The following THSD4 variants were observed in gnomAD, a reference collection of about 807,000 sequenced individuals.
THSD4 encodes thrombospondin type 1 domain containing 4.
A neutral mutation model predicts 119.0 loss-of-function variants in THSD4; 69 were observed. That is an observed-to-expected ratio of 0.58 (90% confidence interval 0.48 to 0.71). The LOEUF (loss-of-function observed/expected upper bound fraction) is 0.71, where lower values mean the gene tolerates loss of function less well. Ranked by LOEUF, THSD4 falls within the 30% of genes least tolerant of loss-of-function variation. The pLI, the probability that THSD4 is intolerant of heterozygous loss-of-function variation, is 0.00. For missense variants in THSD4, 1,393 were observed against 1,391.1 expected, an observed-to-expected ratio of 1.00 and a Z score of -0.02; for synonymous variants, 524 against 540.4, an observed-to-expected ratio of 0.97 and a Z score of 0.42.
rs1596219858 is a variant in THSD4 at position 71,140,503 on chromosome 15, C to G, written c.-79-946C>G. On this transcript the variant is annotated intron_variant, in intron 1 of 17. Transcript: ENST00000261862. ...CATGACCAGACACCTCCAATGGACCCCACCTCCAATACTGGGAATCAGTTT... is the reference window on the plus strand; with the variant it reads ...CATGACCAGACACCTCCAATGGACCGCACCTCCAATACTGGGAATCAGTTT... 2.0e-5 allele frequency among the ~76,000 whole-genome samples: 3 copies of G among 152,256 alleles called. No homozygotes were observed. In the East Asian group the frequency reaches 5.8e-4, roughly 29 times the overall value.
At chr15:71,493,527 G>A (rs928906798) in intron 7 of THSD4, among the ~76,000 whole-genome samples, 17 of 152,260 alleles carry the variant, frequency 1.1e-4, no homozygotes, top group Admixed American at 8.5e-4. Flanking sequence ...GCTCCGGGAA[G>A]CTTAATGTGT....
chr15:71,607,768 G>A (rs895777911), intron 7 of THSD4, among the ~76,000 whole-genome samples: 5 of 152,180 alleles, frequency 3.3e-5, no homozygotes, highest in African/African-American at 1.2e-4. Context: ...TAGGAGTTCA[G>A]AATTAAGGAA....
chr15:71,190,757 C>CA (rs1455506240), intron 3 of THSD4, among the ~76,000 whole-genome samples: 3 of 152,076 alleles, frequency 2.0e-5, no homozygotes, highest in Non-Finnish European at 2.9e-5. Context: ...GAGCAGTTCC[C>CA]AAAAAATTCG....
intron 8 of THSD4, among the ~76,000 whole-genome samples, chr15:71,661,476 G>A (rs1422887393): frequency 6.6e-6 from 1 of 151,206 alleles, no homozygotes; most frequent in Middle Eastern, 3.2e-3. Context: ...GCTCACTGCA[G>A]CCTCCGCCTC....
intron 3 of THSD4, among the ~76,000 whole-genome samples, chr15:71,205,930 A>G (rs1329126961): frequency 6.6e-6 from 1 of 150,720 alleles, no homozygotes; most frequent in African/African-American, 2.4e-5. Context: ...CTGGAGGACA[A>G]TGGCACAATC....
chr15:71,443,416 T>G lies in THSD4; in HGVS notation c.1152+31593T>G, dbSNP rs966565640. Among the ~76,000 whole-genome samples the G allele has an allele frequency of 1.2e-4, 13 of 109,860 alleles. 1 individual carries two copies. In the South Asian group the frequency reaches 4.3e-3, roughly 36 times the overall value. 72.1% of individuals were successfully genotyped at this position (109,860 alleles called of 152,430 possible). On this transcript the variant is annotated intron_variant, in intron 7 of 17. Transcript: ENST00000261862. The stretch of plus-strand genomic sequence containing the variant: ...TATCGACTGATGTCCAACCTGTAAT[T>G]AAAAGAAAAACAGATCCCTCTCTCT...
chr15:71,333,922 A>G (rs2045459711), intron 6 of THSD4, among the ~76,000 whole-genome samples: 1 of 152,176 alleles, frequency 6.6e-6, no homozygotes. Context: ...TCTGGTCTTT[A>G]TCCTCAAATA....
At position 71,682,445 on chromosome 15, in the gene THSD4, G is replaced by C. The variant is rs2051801879; in HGVS notation, c.1357+21711G>C. Among the ~76,000 whole-genome samples the C allele has an allele frequency of 2.0e-5, 3 of 152,222 alleles. 1 individual carries two copies. The South Asian group carries it at 6.2e-4, about 32-fold the overall frequency. ...AAGCCCCTTCCAGTGTCCCCTCTCT[G>C]TCACTAACCTCCCCACCGCAGAAAG... On this transcript the variant is annotated intron_variant, in intron 8 of 17. Transcript: ENST00000261862.
intron 6 of THSD4, among the ~76,000 whole-genome samples, chr15:71,266,026 C>T (rs930098622): frequency 2.0e-5 from 3 of 152,172 alleles, no homozygotes; most frequent in Admixed American, 6.5e-5. Flanking sequence ...CGGATGTGAG[C>T]GCAGCTTCAG....
chr15:71,304,662 T>TG (rs2044998973), intron 6 of THSD4, among the ~76,000 whole-genome samples: 1 of 152,176 alleles, frequency 6.6e-6, no homozygotes, highest in Non-Finnish European at 1.5e-5. Flanking sequence ...CAGGTGCTGC[T>TG]GGTTTTGAAG....
At chr15:71,609,966 G>A (rs1280509265) in intron 7 of THSD4, among the ~76,000 whole-genome samples, 5 of 152,136 alleles carry the variant, frequency 3.3e-5, no homozygotes, top group African/African-American at 7.2e-5. Flanking sequence ...GGCATGCTTG[G>A]GGCCCAGTAA....
intron 4 of THSD4, among the ~76,000 whole-genome samples, chr15:71,218,457 G>C (rs937377178): frequency 1.3e-5 from 2 of 152,174 alleles, no homozygotes; most frequent in Non-Finnish European, 2.9e-5. Flanking sequence ...TGTGCTGCAG[G>C]CATTGTGCCT....
chr15:71,544,110 A>G (rs1373613670), intron 7 of THSD4, among the ~76,000 whole-genome samples: 1 of 152,168 alleles, frequency 6.6e-6, no homozygotes, highest in East Asian at 1.9e-4. Context: ...ACAAGGGCAG[A>G]TAGAGAGGAG....
intron 7 of THSD4, among the ~76,000 whole-genome samples, chr15:71,442,568 C>CAAAAAAAA (rs71154770): frequency 0.016 from 519 of 33,426 alleles, 41 homozygotes; most frequent in Non-Finnish European, 0.024. Flanking sequence ...AACTCCATCT[C>CAAAAAAAA]AAAAAAAAAA....
chr15:71,520,731 C>T (rs942906967), intron 7 of THSD4, among the ~76,000 whole-genome samples: 1 of 150,918 alleles, frequency 6.6e-6, no homozygotes, highest in Non-Finnish European at 1.5e-5. Context: ...ATTCTTGCTC[C>T]CCTTTTTCTG....
chr15:71,704,857 C>T (rs1289762157), intron 8 of THSD4, among the ~76,000 whole-genome samples: 3 of 152,172 alleles, frequency 2.0e-5, no homozygotes, highest in African/African-American at 7.2e-5. Context: ...CGTGCAGACA[C>T]GGCAAGCCTT....
chr15:71,421,437 A>T (rs1405141616), intron 7 of THSD4, among the ~76,000 whole-genome samples: 3 of 152,186 alleles, frequency 2.0e-5, no homozygotes, highest in African/African-American at 7.2e-5. Context: ...TTCGCCAGAT[A>T]TACTATTCTA....
chr15:71,203,159 C>A (rs187294683), intron 3 of THSD4, among the ~76,000 whole-genome samples: 1 of 152,056 alleles, frequency 6.6e-6, no homozygotes, highest in East Asian at 1.9e-4. Context: ...TGAAGGTGGG[C>A]AGGGAGAGAA....
chr15:71,361,800 G>T (rs1566954423), intron 6 of THSD4, among the ~76,000 whole-genome samples: 1 of 152,154 alleles, frequency 6.6e-6, no homozygotes, highest in Non-Finnish European at 1.5e-5. Context: ...AAAGGGATAT[G>T]AAATCTTGAA....
Sources: gnomAD v4.1 joint callset for allele counts (sites outside exome capture counted in the v4.1 genomes callset) on GRCh38, gnomAD v4.1.1 for gene constraint, MANE v1.5 for transcripts, NCBI Gene and HGNC (gene_info 2026-07-23, HGNC 2026-07-21) for gene names.